The following DPYD variants were observed in gnomAD, a reference collection of about 807,000 sequenced individuals.
The protein encoded by DPYD is dihydropyrimidine dehydrogenase [NADP(+)].
Under a neutral mutation model 116.2 loss-of-function variants are expected in DPYD, and 109 were observed. The observed-to-expected ratio is 0.94, with a 90% CI of 0.80 to 1.10. The LOEUF is 1.10. DPYD is among the 50% of genes least tolerant of loss of function. The probability of loss-of-function intolerance (pLI) is 0.00; values close to 1 mark genes in which losing one functional copy is unlikely to be tolerated. For synonymous variants in DPYD, 440 were observed against 432.0 expected (o/e 1.02, Z -0.23); for missense variants, 1,302 against 1,254.5 (o/e 1.04, Z -0.57).
At chr1:97,645,913 C>T (rs574885440) in intron 8 of DPYD, among the ~76,000 whole-genome samples, 13 of 152,142 alleles carry the variant, frequency 8.5e-5, no homozygotes, top group Non-Finnish European at 1.9e-4. Context: ...AAATACTTGG[C>T]TCACACTTTA....
chr1:97,179,780 A>G (rs1283974294), intron 20 of DPYD, among the ~76,000 whole-genome samples: 2 of 152,160 alleles, frequency 1.3e-5, no homozygotes, highest in East Asian at 3.9e-4. Context: ...TGAAGCACAG[A>G]ACTATTATAG....
intron 10 of DPYD, among the ~76,000 whole-genome samples, chr1:97,582,758 A>G (rs1436158196): frequency 1.3e-5 from 2 of 152,202 alleles, no homozygotes; most frequent in Non-Finnish European, 1.5e-5. Context: ...AGAATCTTGA[A>G]CATAAAGAAA....
At chr1:97,694,857 T>A (rs1175192390) in intron 6 of DPYD, among the ~76,000 whole-genome samples, 2 of 152,226 alleles carry the variant, frequency 1.3e-5, no homozygotes, top group East Asian at 1.9e-4. Context: ...ATAAAAAAAA[T>A]TCTCTGGTGA....
At chr1:97,475,307 A>G (rs899990718) in intron 13 of DPYD, among the ~76,000 whole-genome samples, 10 of 152,222 alleles carry the variant, frequency 6.6e-5, no homozygotes, top group African/African-American at 2.4e-4. Flanking sequence ...GATATATTAA[A>G]AACATATAGA....
At chr1:97,674,950 A>C (rs1452046846) in intron 8 of DPYD, among the ~76,000 whole-genome samples, 1 of 152,226 alleles carries the variant, frequency 6.6e-6, no homozygotes, top group African/African-American at 2.4e-5. Context: ...CAGAGCCCTT[A>C]CATTGTATAG....
At position 97,878,734 on chromosome 1, in the gene DPYD, C is replaced by T. The variant is rs112740206; in HGVS notation, c.150+4530G>A. Among the ~76,000 whole-genome samples the T allele has an allele frequency of 5.6e-3, 844 of 152,022 alleles. 5 individuals carry two copies. The highest frequency in any genetic ancestry group is 0.019 in the African/African-American group (791 of 41,500). On this transcript the variant is annotated intron_variant, in intron 2 of 22. Coordinates refer to ENST00000370192, the MANE Select transcript of DPYD (RefSeq NM_000110.4). ...AAAGCTAGACTGATTCACCTAAAGG[C>T]AAATATGATCAACTCACACTGATCA...
intron 2 of DPYD, chr1:97,856,536 G>A (rs537642077): frequency 1.3e-5 from 2 of 152,176 alleles, no homozygotes; most frequent in Admixed American, 1.3e-4. Flanking sequence ...CAAAATGCCT[G>A]CACATAAGAC....
intron 20 of DPYD, among the ~76,000 whole-genome samples, chr1:97,136,361 T>C (rs905303908): frequency 1.8e-4 from 27 of 152,316 alleles, no homozygotes; most frequent in Admixed American, 1.4e-3. Flanking sequence ...TCAGTACTGT[T>C]ATTATTCCTG....
intron 2 of DPYD, among the ~76,000 whole-genome samples, chr1:97,846,808 T>C (rs1670323427): frequency 6.6e-6 from 1 of 152,250 alleles, no homozygotes; most frequent in Non-Finnish European, 1.5e-5. Context: ...ATACTTTCTA[T>C]TTTTTAATGA....
chr1:97,546,719 A>T, intron 12 of DPYD: 1 of 1,613,212 alleles, frequency 6.2e-7, no homozygotes, highest in Middle Eastern at 1.8e-4. Context: ...GAGGAAGTAG[A>T]GCTGAAGTTT....
chr1:97,238,481 G>T (rs182919547), intron 18 of DPYD, among the ~76,000 whole-genome samples: 51 of 152,180 alleles, frequency 3.4e-4, no homozygotes, highest in Admixed American at 7.2e-4. Context: ...TTTCTAAATT[G>T]CTATGTAGAA....
At chr1:97,625,038 C>G (rs1332049657) in intron 8 of DPYD, among the ~76,000 whole-genome samples, 5 of 151,882 alleles carry the variant, frequency 3.3e-5, no homozygotes, top group South Asian at 2.1e-4. Flanking sequence ...TTGAGTTATA[C>G]TGCACAGCAC....
chr1:97,227,327 A>T (rs1570712974), intron 19 of DPYD, among the ~76,000 whole-genome samples: 1 of 87,808 alleles, frequency 1.1e-5, no homozygotes, highest in Non-Finnish European at 2.1e-5. Flanking sequence ...GTGAGACTCT[A>T]TCTCAAAAAA....
intron 3 of DPYD, among the ~76,000 whole-genome samples, chr1:97,814,939 A>AAGAAAGGAG (rs60906136): frequency 9.7e-6 from 1 of 102,674 alleles, no homozygotes; most frequent in Admixed American, 1.1e-4. Context: ...AGAGGAAAGA[A>AAGAAAGGAG]AGAAAGAAAG....
intron 3 of DPYD, among the ~76,000 whole-genome samples, chr1:97,788,411 C>T (rs1023107169): frequency 6.6e-6 from 1 of 152,150 alleles, no homozygotes; most frequent in Non-Finnish European, 1.5e-5. Context: ...ATGCCAGATA[C>T]CTTAGCTGAC....
At chr1:97,555,922 T>G (rs1261971801) in intron 11 of DPYD, among the ~76,000 whole-genome samples, 1 of 152,194 alleles carries the variant, frequency 6.6e-6, no homozygotes, top group Non-Finnish European at 1.5e-5. Flanking sequence ...TGTACAGTAG[T>G]ACCTCCCAAT....
At chr1:97,198,571 C>T (rs554613544) in intron 19 of DPYD, among the ~76,000 whole-genome samples, 1 of 152,160 alleles carries the variant, frequency 6.6e-6, no homozygotes, top group African/African-American at 2.4e-5. Context: ...GGCCTTATCG[C>T]TATCTCAAAG....
intron 18 of DPYD, among the ~76,000 whole-genome samples, chr1:97,266,862 TC>T (rs1475197891): frequency 6.6e-6 from 1 of 152,150 alleles, no homozygotes; most frequent in African/African-American, 2.4e-5. Context: ...CATGAACTCA[TC>T]CTTTTTTATA....
intron 3 of DPYD, among the ~76,000 whole-genome samples, chr1:97,780,403 G>C (rs1385709319): frequency 6.6e-6 from 1 of 152,098 alleles, no homozygotes; most frequent in African/African-American, 2.4e-5. Flanking sequence ...ATGGACAAAA[G>C]AACAATAAAT....
Sources: allele counts gnomAD v4.1 joint callset (sites outside exome capture counted in the v4.1 genomes callset), GRCh38; gene constraint gnomAD v4.1.1; transcripts MANE v1.5; gene names NCBI Gene and HGNC (gene_info 2026-07-23, HGNC 2026-07-21).